Variants in EFCAB13 observed in about 807,000 individuals in gnomAD.
EFCAB13 encodes EF-hand calcium binding domain 13, also known as EF-hand calcium-binding domain-containing protein 13.
In EFCAB13, 91 loss-of-function variants were observed where a neutral mutation model predicts 110.2. The observed-to-expected ratio is 0.83, with a 90% confidence interval of 0.70 to 0.98. EFCAB13 has a LOEUF of 0.98. Ranked by LOEUF, EFCAB13 falls within the 50% of genes least tolerant of loss-of-function variation. The probability of loss-of-function intolerance (pLI) is 0.00; values close to 1 mark genes in which losing one functional copy is unlikely to be tolerated. For synonymous variants in EFCAB13, 323 were observed against 369.9 expected (o/e 0.87, Z 1.45); for missense variants, 968 against 1,119.4 (o/e 0.86, Z 1.93).
intron 24 of EFCAB13, among the ~76,000 whole-genome samples, chr17:47,437,922 G>A (rs969060997): frequency 6.6e-6 from 1 of 152,128 alleles, no homozygotes; most frequent in Non-Finnish European, 1.5e-5. Context: ...TGTGTTTCCA[G>A]GATTTGTTTC....
chr17:47,421,624 TA>T (rs55780288), intron 23 of EFCAB13, among the ~76,000 whole-genome samples: 1 of 123,052 alleles, frequency 8.1e-6, no homozygotes, highest in African/African-American at 3.2e-5. Context: ...GAATGAGCAA[TA>T]AAAAAAAGAA....
intron 4 of EFCAB13, among the ~76,000 whole-genome samples, chr17:47,331,697 C>T (rs2065320396): frequency 6.6e-6 from 1 of 152,080 alleles, no homozygotes; most frequent in Non-Finnish European, 1.5e-5. Flanking sequence ...AGAATAATCA[C>T]ATTGCCCTAA....
At chr17:47,357,405 C>T (rs752777364) in intron 9 of EFCAB13, among the ~76,000 whole-genome samples, 22 of 152,140 alleles carry the variant, frequency 1.4e-4, no homozygotes, top group Non-Finnish European at 2.4e-4. Flanking sequence ...CCTATTTTGA[C>T]GTTTTGATAA....
At chr17:47,349,283 G>A (rs2065434985) in intron 9 of EFCAB13, among the ~76,000 whole-genome samples, 1 of 152,112 alleles carries the variant, frequency 6.6e-6, no homozygotes, top group Non-Finnish European at 1.5e-5. Context: ...TGTTTTCTTC[G>A]TGACATAGAT....
chr17:47,435,855 C>T (rs1905203376), intron 24 of EFCAB13, among the ~76,000 whole-genome samples: 1 of 152,114 alleles, frequency 6.6e-6, no homozygotes, highest in South Asian at 2.1e-4. Flanking sequence ...GCATCCTTGT[C>T]TTGTTCCAGT....
intron 18 of EFCAB13, 62 bp from the exon 19 acceptor site, chr17:47,403,816 C>A: frequency 6.9e-7 from 1 of 1,451,232 alleles, no homozygotes; most frequent in Non-Finnish European, 9.3e-7. Flanking sequence ...TGGATTTCCA[C>A]TAACAAATGT....
chr17:47,376,161 T>C (rs947961947), intron 12 of EFCAB13, among the ~76,000 whole-genome samples: 1 of 152,176 alleles, frequency 6.6e-6, no homozygotes, highest in Admixed American at 6.5e-5. Context: ...AGTGAAAATT[T>C]TGTGATTCAT....
intron 24 of EFCAB13, among the ~76,000 whole-genome samples, chr17:47,432,054 G>A (rs1036357489): frequency 1.4e-4 from 21 of 151,872 alleles, no homozygotes; most frequent in Non-Finnish European, 2.4e-4. Flanking sequence ...TCAAGAGTTC[G>A]AGACTAGCCT....
chr17:47,348,006 G>A, intron 9 of EFCAB13, 55 bp downstream of exon 9: 1 of 1,279,570 alleles, frequency 7.8e-7, no homozygotes, highest in East Asian at 2.7e-5. Flanking sequence ...AAATATGTTT[G>A]TCAGATTAAT....
At chr17:47,339,831 T>C (rs1344930696) in intron 5 of EFCAB13, 1 of 152,150 alleles carries the variant, frequency 6.6e-6, no homozygotes, top group African/African-American at 2.4e-5. Context: ...AACTTTAATC[T>C]TGAAATACCA....
chr17:47,434,629 C>T (rs551424303), intron 24 of EFCAB13, among the ~76,000 whole-genome samples: 7 of 152,148 alleles, frequency 4.6e-5, no homozygotes, highest in Non-Finnish European at 5.9e-5. Flanking sequence ...CATCACATTA[C>T]CTGTCTTCAA....
chr17:47,355,170 G>C (rs1461169555), intron 9 of EFCAB13, among the ~76,000 whole-genome samples: 1 of 152,154 alleles, frequency 6.6e-6, no homozygotes, highest in Non-Finnish European at 1.5e-5. Flanking sequence ...ATTCTTGGCT[G>C]ATAATTGTTT....
intron 14 of EFCAB13, among the ~76,000 whole-genome samples, chr17:47,383,643 G>C (rs536705035): frequency 6.6e-6 from 1 of 152,278 alleles, no homozygotes; most frequent in South Asian, 2.1e-4. Context: ...TGGTCTGAGA[G>C]ACTGTTGTGA....
chr17:47,377,074 TG>T (rs2143369352), intron 12 of EFCAB13, among the ~76,000 whole-genome samples: 1 of 152,300 alleles, frequency 6.6e-6, no homozygotes, highest in South Asian at 2.1e-4. Flanking sequence ...AGTAAATTAA[TG>T]GGAGGGTGAA....
At chr17:47,373,041 T>C (rs541456609) in intron 11 of EFCAB13, among the ~76,000 whole-genome samples, 50 of 152,242 alleles carry the variant, frequency 3.3e-4, no homozygotes, top group African/African-American at 1.2e-3. Flanking sequence ...TCATAAACTC[T>C]TATAACTTGA....
chr17:47,364,736 G>A (rs771304679), intron 10 of EFCAB13, among the ~76,000 whole-genome samples: 11 of 152,052 alleles, frequency 7.2e-5, no homozygotes, highest in Non-Finnish European at 1.3e-4. Flanking sequence ...ATTCAAATAC[G>A]GGTCTGATCA....
chr17:47,350,033 C>T (rs1338087332), intron 9 of EFCAB13, among the ~76,000 whole-genome samples: 1 of 152,040 alleles, frequency 6.6e-6, no homozygotes, highest in East Asian at 1.9e-4. Flanking sequence ...CTCGGCCTCC[C>T]AAAGTGCTGG....
chr17:47,381,675 C>A (rs971322287), intron 14 of EFCAB13, among the ~76,000 whole-genome samples: 2 of 152,032 alleles, frequency 1.3e-5, no homozygotes, highest in African/African-American at 4.8e-5. Context: ...CTGTGTGGTG[C>A]TATTTGAGAC....
Position 47,404,557 on chromosome 17 carries a change from T to C in EFCAB13, c.2162-5T>C, listed in dbSNP as rs1445554514. On this transcript the variant is annotated splice_region_variant and splice_polypyrimidine_tract_variant and intron_variant, in intron 19 of 24. Coordinates refer to ENST00000331493, the MANE Select transcript of EFCAB13 (RefSeq NM_152347.5). The stretch of plus-strand genomic sequence containing the variant: ...TTGTTTGTCATCTCTCTCTTTTCCT[T>C]GCAGAAGATAACATGGTGAACATTA... 7 of 1,610,342 alleles carry C rather than the reference T, an allele frequency of 4.3e-6. No homozygotes were observed. The highest frequency in any genetic ancestry group is 5.9e-6 in the Non-Finnish European group (7 of 1,178,238).
Sources: allele counts gnomAD v4.1 joint callset (sites outside exome capture counted in the v4.1 genomes callset), GRCh38; gene constraint gnomAD v4.1.1; transcripts MANE v1.5; gene names NCBI Gene and HGNC (gene_info 2026-07-23, HGNC 2026-07-21).